DGKB: variants seen among roughly 807,000 people sequenced by gnomAD.
DGKB encodes the protein 90 kDa diacylglycerol kinase.
DGKB carries 67 observed loss-of-function variants against 114.3 expected under a neutral mutation model. The observed-to-expected ratio is 0.59, with a 90% CI of 0.48 to 0.72. The LOEUF (loss-of-function observed/expected upper bound fraction) is 0.72. Among genes scored for constraint, DGKB ranks in the 30% least tolerant of loss-of-function variants. The pLI, the probability that DGKB is intolerant of heterozygous loss-of-function variation, is 0.00. For missense variants in DGKB, 907 were observed against 975.2 expected (o/e 0.93, Z 0.93); for synonymous variants, 398 against 323.1 (o/e 1.23, Z -2.49).
intron 23 of DGKB, among the ~76,000 whole-genome samples, chr7:14,311,483 A>T (rs1025144938): frequency 7.2e-5 from 11 of 151,898 alleles, no homozygotes; most frequent in Non-Finnish European, 1.3e-4. Context: ...GTACAATGAC[A>T]TGTTCATGGC....
chr7:14,170,366 T>C (rs1433506657), intron 25 of DGKB, among the ~76,000 whole-genome samples: 1 of 152,110 alleles, frequency 6.6e-6, no homozygotes, highest in African/African-American at 2.4e-5. Context: ...ATGGGGATTA[T>C]AATAACTTTA....
chr7:14,257,494 C>T (rs963650560), intron 23 of DGKB, among the ~76,000 whole-genome samples: 16 of 152,048 alleles, frequency 1.1e-4, no homozygotes, highest in Non-Finnish European at 2.2e-4. Flanking sequence ...CCATAATCCC[C>T]ATGTATCCTG....
intron 23 of DGKB, among the ~76,000 whole-genome samples, chr7:14,262,644 C>T (rs1009127004): frequency 7.2e-5 from 11 of 152,148 alleles, no homozygotes; most frequent in African/African-American, 2.7e-4. Context: ...AGAAGAATAG[C>T]TTGGAAGATT....
chr7:14,600,528 C>A (rs1262214728), intron 17 of DGKB, among the ~76,000 whole-genome samples: 1 of 152,086 alleles, frequency 6.6e-6, no homozygotes, highest in Non-Finnish European at 1.5e-5. Flanking sequence ...ACAGAGTTAC[C>A]ACTCCAGGTA....
At chr7:14,257,557 G>A (rs1412543390) in intron 23 of DGKB, among the ~76,000 whole-genome samples, 1 of 152,074 alleles carries the variant, frequency 6.6e-6, no homozygotes, top group Non-Finnish European at 1.5e-5. Context: ...CCCCCATGCT[G>A]TTCTCGTGAT....
chr7:14,598,126 T>G (rs1802910998), intron 17 of DGKB, among the ~76,000 whole-genome samples: 1 of 152,178 alleles, frequency 6.6e-6, no homozygotes, highest in Non-Finnish European at 1.5e-5. Context: ...TGTCTCACCT[T>G]CATCCAAATG....
At chr7:14,933,515 G>A (rs1425655728) in intron 1 of DGKB, among the ~76,000 whole-genome samples, 1 of 152,054 alleles carries the variant, frequency 6.6e-6, no homozygotes, top group Non-Finnish European at 1.5e-5. Context: ...TCTCTCTTCT[G>A]CCTCTTTCTT....
chr7:14,650,096 A>G (rs1308741909), intron 13 of DGKB, among the ~76,000 whole-genome samples: 1 of 151,258 alleles, frequency 6.6e-6, no homozygotes, highest in Non-Finnish European at 1.5e-5. Flanking sequence ...ACGAGACAGA[A>G]AGTCAACAAG....
At chr7:14,756,399 G>A (rs542888925) in intron 3 of DGKB, among the ~76,000 whole-genome samples, 55 of 151,860 alleles carry the variant, frequency 3.6e-4, no homozygotes, top group African/African-American at 1.2e-3. Context: ...AAAAATACAA[G>A]GGAAATGTAG....
chr7:14,972,880 G>A (rs1449866353), intron 1 of DGKB, among the ~76,000 whole-genome samples: 2 of 152,064 alleles, frequency 1.3e-5, no homozygotes, highest in Non-Finnish European at 1.5e-5. Flanking sequence ...ATGTGAATGT[G>A]TGTTTGCGTA....
chr7:14,405,933 C>T (rs1354293978), intron 21 of DGKB, among the ~76,000 whole-genome samples: 2 of 151,964 alleles, frequency 1.3e-5, no homozygotes, highest in Non-Finnish European at 2.9e-5. Context: ...AATGAAGCAA[C>T]ACAAGATTCG....
intron 2 of DGKB, among the ~76,000 whole-genome samples, chr7:14,823,300 T>C (rs1454636196): frequency 6.6e-6 from 1 of 152,018 alleles, no homozygotes; most frequent in East Asian, 1.9e-4. Flanking sequence ...ATTACTACTT[T>C]TTATTTCTAA....
intron 17 of DGKB, among the ~76,000 whole-genome samples, chr7:14,600,278 C>A (rs1803306519): frequency 6.6e-6 from 1 of 152,146 alleles, no homozygotes; most frequent in African/African-American, 2.4e-5. Flanking sequence ...ATAACCTAAT[C>A]ATTTGCTCAT....
chr7:14,235,447 G>T (rs1792610296), intron 23 of DGKB, among the ~76,000 whole-genome samples: 2 of 152,012 alleles, frequency 1.3e-5, no homozygotes, highest in African/African-American at 2.4e-5. Context: ...AACAGAGAAG[G>T]GCTTCAGAAA....
chr7:14,409,100 G>A (rs1273183825), intron 21 of DGKB, among the ~76,000 whole-genome samples: 1 of 152,082 alleles, frequency 6.6e-6, no homozygotes, highest in Non-Finnish European at 1.5e-5. Context: ...AATCGGACTT[G>A]CATAAAATTA....
At chr7:14,432,373 G>A (rs196755) in intron 21 of DGKB, among the ~76,000 whole-genome samples, 23,057 of 152,052 alleles carry the variant, frequency 0.15, 2,254 homozygotes, top group Non-Finnish European at 0.22. Flanking sequence ...CACTCCCTCC[G>A]TGCAAAACAA....
chr7:14,442,353 T>C (rs923008468), intron 21 of DGKB, among the ~76,000 whole-genome samples: 2 of 152,078 alleles, frequency 1.3e-5, no homozygotes, highest in African/African-American at 4.8e-5. Context: ...ATTTTAATTC[T>C]TGATATTCTT....
In DGKB at chr7:14,547,551, C is replaced by T. The variant is rs190228459; in HGVS notation, c.1770+26661G>A. ...TGTAAGTTAATTATAGACTACACAGCTGATTTAGTTTCATTTACCTAAGGA... is the reference window on the plus strand; with the variant it reads ...TGTAAGTTAATTATAGACTACACAGTTGATTTAGTTTCATTTACCTAAGGA... On this transcript the variant is annotated intron_variant, in intron 20 of 25. Coordinates refer to ENST00000402815, the MANE Select transcript of DGKB (RefSeq NM_001350709.2). Among the ~76,000 whole-genome samples the T allele has an allele frequency of 1.9e-3, 284 of 152,210 alleles. 8 individuals carry two copies. In the South Asian group the frequency reaches 0.038, roughly 20 times the overall value.
intron 2 of DGKB, among the ~76,000 whole-genome samples, chr7:14,827,541 T>C (rs1229414514): frequency 6.6e-6 from 1 of 152,102 alleles, no homozygotes; most frequent in Non-Finnish European, 1.5e-5. Context: ...CTGTTTCTAC[T>C]CCAAAGTCAT....
Sources: allele counts gnomAD v4.1 joint callset (sites outside exome capture counted in the v4.1 genomes callset), GRCh38; gene constraint gnomAD v4.1.1; transcripts MANE v1.5; gene names NCBI Gene and HGNC (gene_info 2026-07-23, HGNC 2026-07-21).